SEMA3A: variants seen among roughly 807,000 people sequenced by gnomAD.
SEMA3A encodes the protein semaphorin 3A, also known as semaphorin-3A.
In SEMA3A, 29 loss-of-function variants were observed where a neutral mutation model predicts 97.9. The observed-to-expected ratio is 0.30, with a 90% confidence interval of 0.22 to 0.40. SEMA3A has a LOEUF of 0.40. Ranked by LOEUF, SEMA3A falls within the 10% of genes least tolerant of loss-of-function variation. The pLI is 1.00. For synonymous variants in SEMA3A, 321 were observed against 323.7 expected (o/e 0.99, Z 0.09); for missense variants, 763 against 951.3 (o/e 0.80, Z 2.60).
chr7:84,308,551 T>C (rs1801224901), intron 2 of SEMA3A, among the ~76,000 whole-genome samples: 1 of 152,108 alleles, frequency 6.6e-6, no homozygotes, highest in African/African-American at 2.4e-5. Context: ...TGCCATAATA[T>C]ATGACAAGAA....
At chr7:84,291,486 C>T (rs1428917147) in intron 3 of SEMA3A, among the ~76,000 whole-genome samples, 3 of 151,992 alleles carry the variant, frequency 2.0e-5, no homozygotes, top group African/African-American at 4.8e-5. Context: ...GCATTGCCAA[C>T]TAATTTTCAT....
At chr7:84,218,503 A>G (rs1202801333) in intron 3 of SEMA3A, among the ~76,000 whole-genome samples, 1 of 152,172 alleles carries the variant, frequency 6.6e-6, no homozygotes, top group Admixed American at 6.5e-5. Flanking sequence ...AGACATAAAA[A>G]TAATTTAGGC....
chr7:84,165,547 T>G, intron 1 of SEMA3A, among the ~76,000 whole-genome samples: 1 of 152,178 alleles, frequency 6.6e-6, no homozygotes, highest in East Asian at 1.9e-4. Flanking sequence ...TAGCTGGTTA[T>G]ATATACCAGT....
Position 84,399,029 on chromosome 7 carries a change from T to C in SEMA3A, c.-245-27129A>G, listed in dbSNP as rs543175452. On this transcript the variant is annotated intron_variant, in intron 1 of 3. Coordinates refer to the SEMA3A transcript ENST00000424555. ...TAGCATAATGACAAGAAAATATGCATTGAATAGGATTGGAAGAACAGTCTT... is the reference window on the plus strand; with the variant it reads ...TAGCATAATGACAAGAAAATATGCACTGAATAGGATTGGAAGAACAGTCTT... Among the ~76,000 whole-genome samples the C allele has an allele frequency of 7.2e-5, 11 of 152,138 alleles. 1 individual carries two copies. In the South Asian group the frequency reaches 2.3e-3, roughly 32 times the overall value.
chr7:84,393,481 T>C (rs1429158084), intron 1 of SEMA3A, among the ~76,000 whole-genome samples: 1 of 152,126 alleles, frequency 6.6e-6, no homozygotes, highest in Non-Finnish European at 1.5e-5. Flanking sequence ...AGCATGGTAC[T>C]AGCATAAAAG....
At chr7:84,254,896 A>G (rs1438169318) in intron 3 of SEMA3A, among the ~76,000 whole-genome samples, 4 of 152,174 alleles carry the variant, frequency 2.6e-5, no homozygotes, top group Admixed American at 2.6e-4. Context: ...TATGAAGTTA[A>G]TGAAGTATTA....
At chr7:84,071,853 G>A (rs1021716011) in intron 4 of SEMA3A, among the ~76,000 whole-genome samples, 1 of 151,976 alleles carries the variant, frequency 6.6e-6, no homozygotes. Flanking sequence ...AAGAATCAAT[G>A]AATGAGTGAA....
In SEMA3A at chr7:84,391,959, C is replaced by CAA. The variant is rs34411145; in HGVS notation, c.-245-20061_-245-20060dup. On this transcript the variant is annotated intron_variant, in intron 1 of 3. Coordinates refer to the SEMA3A transcript ENST00000424555. ...TGAGAAACAGAGTGAGACCCTGTCT[C>CAA]AAAAAAAAAAAAATCTATTGAAAAA... 2.7e-3 allele frequency among the ~76,000 whole-genome samples: 382 copies of CAA among 144,074 alleles called. 3 individuals carry two copies. Among genetic ancestry groups the CAA allele is most frequent in the African/African-American group, 6.4e-3 (245 of 38,286 alleles). The allele number at this position is 144,074 out of a possible 152,430, so 94.5% of individuals were successfully genotyped here.
chr7:84,095,358 C>CACACATATATATAT (rs1211794166), intron 4 of SEMA3A, among the ~76,000 whole-genome samples: 4 of 122,904 alleles, frequency 3.3e-5, no homozygotes, highest in African/African-American at 1.4e-4. Context: ...TTTTTATATA[C>CACACATATATATAT]ATATATATAT....
At chr7:84,350,582 G>T (rs548266855) in intron 2 of SEMA3A, among the ~76,000 whole-genome samples, 1 of 152,106 alleles carries the variant, frequency 6.6e-6, no homozygotes, top group African/African-American at 2.4e-5. Context: ...TGTATGTGAA[G>T]ATGTGTTTAC....
chr7:84,325,334 A>G (rs1801750049), intron 2 of SEMA3A, among the ~76,000 whole-genome samples: 1 of 152,068 alleles, frequency 6.6e-6, no homozygotes, highest in African/African-American at 2.4e-5. Context: ...AAAAAATACT[A>G]CCGAAGTGAG....
rs79331174 is a variant in SEMA3A, at chr7:84,097,888, A to T, written c.453+12582T>A. Among the ~76,000 whole-genome samples, 800 of 152,212 alleles carry T rather than the reference A, an allele frequency of 5.3e-3. 4 individuals carry two copies. The highest frequency in any genetic ancestry group is 0.017 in the East Asian group (89 of 5,180). On this transcript the variant is annotated intron_variant, in intron 4 of 16. Coordinates refer to ENST00000265362, the MANE Select transcript of SEMA3A (RefSeq NM_006080.3). ...AATGATTAAAGGATGACCCTTCACA[A>T]AAAGATATATTTCTCCAAATACATT... is the stretch of plus-strand genomic sequence containing the variant.
At chr7:84,351,331 A>G (rs1802433563) in intron 2 of SEMA3A, among the ~76,000 whole-genome samples, 1 of 152,124 alleles carries the variant, frequency 6.6e-6, no homozygotes, top group South Asian at 2.1e-4. Context: ...TAAGCCTTTG[A>G]AAAACATTGA....
At chr7:84,294,976 G>T (rs1800833000) in intron 3 of SEMA3A, among the ~76,000 whole-genome samples, 1 of 151,960 alleles carries the variant, frequency 6.6e-6, no homozygotes, top group Non-Finnish European at 1.5e-5. Flanking sequence ...CTTCTTTCCT[G>T]CTGCTCTCTG....
intron 1 of SEMA3A, among the ~76,000 whole-genome samples, chr7:84,448,534 TGAA>T (rs1256976642): frequency 6.6e-6 from 1 of 151,822 alleles, no homozygotes; most frequent in Non-Finnish European, 1.5e-5. Flanking sequence ...GAAAAGGAGA[TGAA>T]GAAAGCAATT....
intron 1 of SEMA3A, among the ~76,000 whole-genome samples, chr7:84,425,506 A>G (rs1804791867): frequency 7.0e-6 from 1 of 143,308 alleles, no homozygotes; most frequent in Non-Finnish European, 1.5e-5. Context: ...TGCATATAAT[A>G]TATTCATATG....
At chr7:83,967,137 C>T (rs1788728702) in intron 15 of SEMA3A, among the ~76,000 whole-genome samples, 1 of 152,212 alleles carries the variant, frequency 6.6e-6, no homozygotes, top group Non-Finnish European at 1.5e-5. Context: ...AAGCACCCAT[C>T]TATTTGGGTG....
At chr7:84,103,766 C>T (rs548561400) in intron 4 of SEMA3A, among the ~76,000 whole-genome samples, 12 of 151,558 alleles carry the variant, frequency 7.9e-5, no homozygotes, top group African/African-American at 2.2e-4. Context: ...GAACTAGAGT[C>T]GAGAGGTAAA....
chr7:84,342,312 G>A (rs1562910890), intron 2 of SEMA3A, among the ~76,000 whole-genome samples: 1 of 152,112 alleles, frequency 6.6e-6, no homozygotes, highest in Non-Finnish European at 1.5e-5. Context: ...TGGGTTTACA[G>A]GTGTGAGCCA....
Sources: gnomAD v4.1 joint callset for allele counts (sites outside exome capture counted in the v4.1 genomes callset) on GRCh38, gnomAD v4.1.1 for gene constraint, MANE v1.5 for transcripts, NCBI Gene and HGNC (gene_info 2026-07-23, HGNC 2026-07-21) for gene names.